The following KANK1 variants were observed in gnomAD, a reference collection of about 807,000 sequenced individuals.
KANK1 encodes KN motif and ankyrin repeat domains 1.
A neutral mutation model predicts 106.2 loss-of-function variants in KANK1; 109 were observed. The observed-to-expected ratio is 1.03, with a 90% CI of 0.88 to 1.20. The LOEUF (loss-of-function observed/expected upper bound fraction) is 1.20, where lower values mean the gene tolerates loss of function less well. KANK1 is among the 50% of genes most tolerant of loss of function. The pLI is 0.00. For synonymous variants in KANK1, 873 were observed against 652.2 expected (o/e 1.34, Z -5.16); for missense variants, 2,399 against 1,710.7 (o/e 1.40, Z -7.10).
intron 1 of KANK1, among the ~76,000 whole-genome samples, chr9:517,573 C>G (rs376304333): frequency 3.6e-4 from 55 of 151,506 alleles, no homozygotes; most frequent in African/African-American, 1.2e-3. Flanking sequence ...TAGTGAAATC[C>G]TATGTGCCTA....
chr9:593,970 G>A (rs1825616454), intron 1 of KANK1, among the ~76,000 whole-genome samples: 1 of 151,886 alleles, frequency 6.6e-6, no homozygotes, highest in Non-Finnish European at 1.5e-5. Context: ...AGGGTGGAGA[G>A]CAAAGTGACT....
chr9:562,968 G>A (rs901080692), intron 1 of KANK1, among the ~76,000 whole-genome samples: 10 of 152,156 alleles, frequency 6.6e-5, no homozygotes, highest in African/African-American at 1.2e-4. Flanking sequence ...TGTGGAGTAA[G>A]TACTGCTATT....
At chr9:715,734 A>C (rs988367845) in intron 3 of KANK1, among the ~76,000 whole-genome samples, 3 of 152,224 alleles carry the variant, frequency 2.0e-5, no homozygotes, top group Non-Finnish European at 2.9e-5. Context: ...GCACACAAGA[A>C]CAAATTTTAA....
At chr9:483,716 A>C (rs1413625761) in intron 3 of KANK1, among the ~76,000 whole-genome samples, 1 of 152,210 alleles carries the variant, frequency 6.6e-6, no homozygotes, top group African/African-American at 2.4e-5. Context: ...TTATATGAGA[A>C]AATGTATTCT....
chr9:480,861 A>G lies in KANK1; in HGVS notation c.-362+7588A>G, dbSNP rs1309499335. On this transcript the variant is annotated intron_variant, in intron 3 of 15. Transcript: ENST00000382303. ...TGTGTAAAATGGTAAGGCATTAGAA[A>G]GTGGACCAGACTGCAGAGGACTGGA... Among the ~76,000 whole-genome samples the G allele has an allele frequency of 1.5e-4, 23 of 152,218 alleles. 2 individuals carry two copies. Among genetic ancestry groups the G allele is most frequent in the Admixed American group, 1.5e-3 (23 of 15,280 alleles).
At chr9:529,294 CTT>C (rs774768030) in intron 1 of KANK1, among the ~76,000 whole-genome samples, 23 of 144,900 alleles carry the variant, frequency 1.6e-4, no homozygotes, top group African/African-American at 4.8e-4. Context: ...CATATATACA[CTT>C]TTTTTTTTTT....
At chr9:553,781 T>C (rs572415480) in intron 1 of KANK1, among the ~76,000 whole-genome samples, 1 of 152,338 alleles carries the variant, frequency 6.6e-6, no homozygotes, top group Non-Finnish European at 1.5e-5. Context: ...TTTATAGGAA[T>C]ATTACAAAAT....
At chr9:738,586 C>G in intron 8 of KANK1, 82 bp downstream of exon 8, 1 of 1,066,988 alleles carries the variant, frequency 9.4e-7, no homozygotes, top group Non-Finnish European at 1.4e-6. Flanking sequence ...TTGAGCCACT[C>G]CTGAATTCTC....
At chr9:500,025 C>T (rs2058523520), upstream of KANK1, among the ~76,000 whole-genome samples, 1 of 152,184 alleles carries the variant, frequency 6.6e-6, no homozygotes, top group Admixed American at 6.5e-5. Context: ...ATATTTCCTT[C>T]TGGTAGAGAG....
intron 10 of KANK1, among the ~76,000 whole-genome samples, chr9:744,177 G>A (rs1267357127): frequency 2.4e-5 from 3 of 126,022 alleles, no homozygotes; most frequent in Non-Finnish European, 5.1e-5. Flanking sequence ...TGCTTGCCTG[G>A]TCATTCATAA....
chr9:656,140 C>T (rs896837714), intron 1 of KANK1, among the ~76,000 whole-genome samples: 1 of 152,228 alleles, frequency 6.6e-6, no homozygotes. Context: ...TCCTGTGTCT[C>T]TGGCTTGAGC....
At chr9:740,116 G>T (rs761178767) in intron 8 of KANK1, among the ~76,000 whole-genome samples, 6 of 152,132 alleles carry the variant, frequency 3.9e-5, no homozygotes, top group Non-Finnish European at 8.8e-5. Flanking sequence ...TCATTTCAGA[G>T]AAAGTGCCGA....
chr9:510,915 T>A (rs1028019153), intron 1 of KANK1, among the ~76,000 whole-genome samples: 6 of 152,212 alleles, frequency 3.9e-5, no homozygotes, highest in African/African-American at 1.4e-4. Context: ...TAGACCAGCC[T>A]TCATTCAGAA....
rs1168777802 is a variant in KANK1, at chr9:676,909, T to C, written c.-64T>C. 5 of 1,348,288 alleles carry C rather than the reference T, an allele frequency of 3.7e-6. No individual in the cohort carries two copies. The African/African-American group carries it at 7.3e-5, about 20-fold the overall frequency. The allele number at this position is 1,348,288 out of a possible 1,614,324, so 83.5% of individuals were successfully genotyped here. On this transcript the variant is annotated 5_prime_UTR_variant, in exon 2 of 12. Coordinates refer to ENST00000382297, the MANE Select transcript of KANK1 (RefSeq NM_015158.5). ...TTTCAGGTTGAATGCCTTTGAGAAC[T>C]TGATGCATAAAATTTGCATGACTCC...
At chr9:508,033 G>A (rs532879766) in intron 1 of KANK1, among the ~76,000 whole-genome samples, 1 of 151,382 alleles carries the variant, frequency 6.6e-6, no homozygotes, top group South Asian at 2.1e-4. Flanking sequence ...TGTTGGCCAG[G>A]CTGGTCTTGA....
chr9:556,669 C>G (rs77543960), intron 1 of KANK1, among the ~76,000 whole-genome samples: 3 of 104,822 alleles, frequency 2.9e-5, no homozygotes, highest in Non-Finnish European at 5.7e-5. Context: ...ACTCTCCTTA[C>G]TCAAATTGCT....
intron 1 of KANK1, among the ~76,000 whole-genome samples, chr9:659,790 C>G (rs1429966740): frequency 6.6e-6 from 1 of 151,942 alleles, no homozygotes; most frequent in East Asian, 1.9e-4. Flanking sequence ...CACCAGGCCC[C>G]TCTTCCAGCA....
At chr9:642,233 G>A (rs1356849555) in intron 1 of KANK1, among the ~76,000 whole-genome samples, 2 of 143,386 alleles carry the variant, frequency 1.4e-5, no homozygotes, top group African/African-American at 3.0e-5. Context: ...TATCATAAAA[G>A]CATGAAAGGT....
At chr9:633,596 T>C (rs1836350615) in intron 1 of KANK1, among the ~76,000 whole-genome samples, 2 of 152,344 alleles carry the variant, frequency 1.3e-5, no homozygotes, top group South Asian at 4.1e-4. Flanking sequence ...GAACCTGGCA[T>C]ATGAGCTCTC....
Sources: gnomAD v4.1 joint callset for allele counts (sites outside exome capture counted in the v4.1 genomes callset) on GRCh38, gnomAD v4.1.1 for gene constraint, MANE v1.5 for transcripts, NCBI Gene and HGNC (gene_info 2026-07-23, HGNC 2026-07-21) for gene names.